The following SASH1 variants were observed in gnomAD, a reference collection of about 807,000 sequenced individuals.
SASH1 encodes the protein SAM and SH3 domain-containing protein 1.
SASH1 carries 44 observed loss-of-function variants against 125.2 expected under a neutral mutation model. The observed-to-expected ratio is 0.35, with a 90% CI of 0.28 to 0.45. The LOEUF is 0.45. Among genes scored for constraint, SASH1 ranks in the 20% least tolerant of loss-of-function variants. The pLI, the probability that SASH1 is intolerant of heterozygous loss-of-function variation, is 1.00. For missense variants in SASH1, 1,426 were observed against 1,614.5 expected, an observed-to-expected ratio of 0.88 and a Z score of 2.00; for synonymous variants, 639 against 649.1, an observed-to-expected ratio of 0.98 and a Z score of 0.24.
chr6:148,507,561 G>A (rs755045205), intron 8 of SASH1, among the ~76,000 whole-genome samples: 13 of 152,108 alleles, frequency 8.5e-5, no homozygotes, highest in Non-Finnish European at 1.9e-4. Flanking sequence ...AGTAGAGACG[G>A]GTTTTCACCA....
At chr6:148,243,365 G>A in the SASH1 span, among the ~76,000 whole-genome samples, 7 of 151,866 alleles carry the variant, frequency 4.6e-5, no homozygotes, top group Non-Finnish European at 7.4e-5. Context: ...CAGGAGAATC[G>A]CTTGAACCTG....
rs181853638 is a variant in SASH1, at chr6:148,377,361, A to G, written c.157-12773A>G. ...TATTCAGTGCCCTTCTAGATGGGCT[A>G]TCTTTATTTTAAAATCTTAGTTGCT... On this transcript the variant is annotated intron_variant, in intron 1 of 19. Coordinates refer to ENST00000367467, the MANE Select transcript of SASH1 (RefSeq NM_015278.5). Among the ~76,000 whole-genome samples, 122 of 152,186 alleles carry G rather than the reference A, an allele frequency of 8.0e-4. 1 individual carries two copies. Among genetic ancestry groups the G allele is most frequent in the African/African-American group, 2.6e-3 (107 of 41,568 alleles).
the SASH1 span, among the ~76,000 whole-genome samples, chr6:148,235,064 C>T: frequency 1.3e-5 from 2 of 152,164 alleles, no homozygotes; most frequent in East Asian, 3.8e-4. Flanking sequence ...TTGCTCAATA[C>T]CGCCATTCTA....
chr6:148,229,581 A>G, the SASH1 span, among the ~76,000 whole-genome samples: 2 of 152,120 alleles, frequency 1.3e-5, no homozygotes, highest in Non-Finnish European at 2.9e-5. Flanking sequence ...AAAAAAAGTG[A>G]CGTCCAAATT....
intron 13 of SASH1, among the ~76,000 whole-genome samples, 181 bp downstream of exon 13, chr6:148,531,842 C>T (rs990409687): frequency 1.8e-4 from 27 of 151,746 alleles, no homozygotes; most frequent in African/African-American, 6.3e-4. Context: ...AGTAGACATG[C>T]AGCAGCAGCA....
intron 2 of SASH1, among the ~76,000 whole-genome samples, chr6:148,404,087 C>T (rs1277568670): frequency 6.6e-6 from 1 of 152,140 alleles, no homozygotes; most frequent in African/African-American, 2.4e-5. Flanking sequence ...ATGACAATAG[C>T]TGTGCATTCT....
chr6:148,325,261 T>TTGTTGTTGTTGCTGTTGTTGTTG (rs147161125), intron 1 of SASH1, among the ~76,000 whole-genome samples: 1 of 149,878 alleles, frequency 6.7e-6, no homozygotes, highest in African/African-American at 2.5e-5. Context: ...AAAAGCCTCT[T>TTGTTGTTGTTGCTGTTGTTGTTG]TTGTTGTTGT....
intron 1 of SASH1, among the ~76,000 whole-genome samples, chr6:148,308,957 G>T (rs565057527): frequency 2.6e-4 from 39 of 151,334 alleles, no homozygotes; most frequent in African/African-American, 8.0e-4. Flanking sequence ...GGTGGCACAC[G>T]CCTGTAGTCC....
intron 2 of SASH1, among the ~76,000 whole-genome samples, chr6:148,392,012 C>T (rs1368088617): frequency 6.6e-6 from 1 of 152,090 alleles, no homozygotes; most frequent in Non-Finnish European, 1.5e-5. Flanking sequence ...AAGCCGGGAG[C>T]GGTGGCTCAT....
intron 8 of SASH1, among the ~76,000 whole-genome samples, chr6:148,504,356 G>A (rs1251811570): frequency 6.6e-6 from 1 of 152,132 alleles, no homozygotes; most frequent in Non-Finnish European, 1.5e-5. Context: ...ACCAGAAACT[G>A]AATCTGACCG....
intron 4 of SASH1, among the ~76,000 whole-genome samples, chr6:148,443,034 C>T (rs1776610864): frequency 6.6e-6 from 1 of 151,878 alleles, no homozygotes; most frequent in South Asian, 2.1e-4. Flanking sequence ...CCTCAGCCTC[C>T]CAAAGTGCTG....
At chr6:148,372,868 C>G (rs1782750775) in intron 1 of SASH1, among the ~76,000 whole-genome samples, 1 of 151,996 alleles carries the variant, frequency 6.6e-6, no homozygotes, top group South Asian at 2.1e-4. Flanking sequence ...AAATAATATC[C>G]AAACTATTTC....
chr6:148,381,953 A>C (rs1783157253), intron 1 of SASH1, among the ~76,000 whole-genome samples: 1 of 151,964 alleles, frequency 6.6e-6, no homozygotes, highest in Non-Finnish European at 1.5e-5. Context: ...GTGCTCTTCT[A>C]ATATGCTATG....
intron 5 of SASH1, 189 bp downstream of exon 5, chr6:148,468,774 G>A (rs1486557953): frequency 9.8e-6 from 5 of 508,996 alleles, no homozygotes; most frequent in Non-Finnish European, 1.7e-5. Context: ...ATCATATTCT[G>A]CATACTGTTT....
chr6:148,519,032 C>T lies in SASH1; in HGVS notation c.863-515C>T, dbSNP rs905675439. ...CAAGATACAACGCTTTATAGTGTTT[C>T]TCCCCACCAAAACTTCCTTGGAGAT... On this transcript the variant is annotated intron_variant, in intron 9 of 19. Transcript: ENST00000367467. The surrounding 1 kb of genome is among the most constrained non-coding windows in gnomAD (Gnocchi z 4.8). Among the ~76,000 whole-genome samples the T allele has an allele frequency of 6.6e-6, 1 of 152,202 alleles. No individual in the cohort carries two copies.
the SASH1 span, among the ~76,000 whole-genome samples, chr6:148,223,514 C>G: frequency 1.4e-4 from 21 of 152,298 alleles, no homozygotes; most frequent in Non-Finnish European, 2.2e-4. Context: ...GAGGACACAG[C>G]AATCCATTGA....
intron 1 of SASH1, among the ~76,000 whole-genome samples, chr6:148,308,216 G>T (rs1375658670): frequency 2.0e-5 from 3 of 151,750 alleles, no homozygotes; most frequent in East Asian, 1.9e-4. Flanking sequence ...TATATGTATC[G>T]CACCTTGGGC....
At chr6:148,514,998 A>G (rs1780360730) in intron 9 of SASH1, among the ~76,000 whole-genome samples, 2 of 152,226 alleles carry the variant, frequency 1.3e-5, no homozygotes, top group African/African-American at 2.4e-5. Flanking sequence ...ATCTTTTAAG[A>G]GTTGTATTGC....
At chr6:148,286,942 G>C (rs1779497238) in intron 1 of SASH1, among the ~76,000 whole-genome samples, 1 of 152,072 alleles carries the variant, frequency 6.6e-6, no homozygotes, top group Non-Finnish European at 1.5e-5. Context: ...CACAGCCTGG[G>C]GGTCCCATCA....
Sources: gnomAD v4.1 joint callset for allele counts (sites outside exome capture counted in the v4.1 genomes callset) on GRCh38, gnomAD v4.1.1 for gene constraint, Gnocchi (gnomAD v3.1) non-coding constraint, MANE v1.5 for transcripts, NCBI Gene and HGNC (gene_info 2026-07-23, HGNC 2026-07-21) for gene names.